ERBB4: variants seen among roughly 807,000 people sequenced by gnomAD.
ERBB4 encodes receptor tyrosine-protein kinase erbB-4.
Under a neutral mutation model 158.0 loss-of-function variants are expected in ERBB4, and 42 were observed. The observed-to-expected ratio is 0.27, with a 90% confidence interval of 0.21 to 0.34. The LOEUF (loss-of-function observed/expected upper bound fraction) is 0.34. ERBB4 is among the 10% of genes least tolerant of loss of function. The probability of loss-of-function intolerance (pLI) is 1.00; values close to 1 mark genes in which losing one functional copy is unlikely to be tolerated. For missense variants in ERBB4, 1,333 were observed against 1,624.1 expected, an observed-to-expected ratio of 0.82 and a Z score of 3.08; for synonymous variants, 583 against 558.7, an observed-to-expected ratio of 1.04 and a Z score of -0.61.
intron 2 of ERBB4, among the ~76,000 whole-genome samples, chr2:212,089,361 C>A (rs1416907416): frequency 6.6e-6 from 1 of 152,120 alleles, no homozygotes; most frequent in African/African-American, 2.4e-5. Flanking sequence ...TTCTTCCTGG[C>A]TGAATTGCAC....
chr2:211,730,885 T>A (rs1252576797), intron 5 of ERBB4, among the ~76,000 whole-genome samples: 1 of 151,948 alleles, frequency 6.6e-6, no homozygotes, highest in Non-Finnish European at 1.5e-5. Context: ...ATGGGAGAAA[T>A]GGGAGAAAAA....
At chr2:212,202,722 A>T (rs1284297247) in intron 1 of ERBB4, among the ~76,000 whole-genome samples, 1 of 152,192 alleles carries the variant, frequency 6.6e-6, no homozygotes, top group Non-Finnish European at 1.5e-5. Context: ...AAAAAGTCTC[A>T]CTTCACTAAT....
At chr2:211,704,852 A>G (rs1041538152) in intron 10 of ERBB4, among the ~76,000 whole-genome samples, 1 of 152,202 alleles carries the variant, frequency 6.6e-6, no homozygotes, top group African/African-American at 2.4e-5. Flanking sequence ...AAAGCTAAAA[A>G]GACACCATCT....
At chr2:212,301,925 C>G (rs1250807222) in intron 1 of ERBB4, among the ~76,000 whole-genome samples, 3 of 151,336 alleles carry the variant, frequency 2.0e-5, no homozygotes, top group African/African-American at 7.3e-5. Context: ...AAAAGACTTT[C>G]AAGAAATGCA....
chr2:212,423,356 G>A (rs2091840317), intron 1 of ERBB4, among the ~76,000 whole-genome samples: 1 of 152,136 alleles, frequency 6.6e-6, no homozygotes, highest in African/African-American at 2.4e-5. Context: ...GTGATTATCT[G>A]AATCACAGAA....
At chr2:211,698,854 T>C (rs910551989) in intron 12 of ERBB4, among the ~76,000 whole-genome samples, 2 of 152,206 alleles carry the variant, frequency 1.3e-5, no homozygotes, top group Non-Finnish European at 2.9e-5. Context: ...AACACTGTAA[T>C]TTGGTTACTA....
chr2:212,380,532 T>C (rs2090469587), intron 1 of ERBB4, among the ~76,000 whole-genome samples: 1 of 150,658 alleles, frequency 6.6e-6, no homozygotes, highest in African/African-American at 2.4e-5. Context: ...ACAACTGATG[T>C]ATTTGTTTAG....
intron 2 of ERBB4, among the ~76,000 whole-genome samples, chr2:211,989,500 T>C (rs1399118802): frequency 1.3e-5 from 2 of 151,900 alleles, no homozygotes; most frequent in African/African-American, 2.4e-5. Flanking sequence ...ATTTTATTCA[T>C]ATAATATTTC....
chr2:212,123,446 GT>G (rs2079821455), intron 2 of ERBB4, among the ~76,000 whole-genome samples: 1 of 152,074 alleles, frequency 6.6e-6, no homozygotes, highest in African/African-American at 2.4e-5. Context: ...AAAAAAGTAA[GT>G]TCTTTTAAGG....
intron 2 of ERBB4, among the ~76,000 whole-genome samples, chr2:212,011,378 A>G (rs900756011): frequency 9.2e-5 from 14 of 152,150 alleles, no homozygotes; most frequent in Non-Finnish European, 1.9e-4. Flanking sequence ...AGTATTGGAC[A>G]GTGCAGATAT....
At chr2:212,155,405 C>A (rs2081005797) in intron 1 of ERBB4, among the ~76,000 whole-genome samples, 2 of 151,984 alleles carry the variant, frequency 1.3e-5, no homozygotes, top group Admixed American at 6.6e-5. Flanking sequence ...ATATTCTAAG[C>A]TTTTATTTCT....
chr2:212,394,529 G>T (rs2090968765), intron 1 of ERBB4, among the ~76,000 whole-genome samples: 1 of 151,904 alleles, frequency 6.6e-6, no homozygotes, highest in Non-Finnish European at 1.5e-5. Context: ...TTTTTAAAAT[G>T]TGCATTTTAG....
chr2:211,685,944 T>A (rs1332566953), intron 12 of ERBB4, among the ~76,000 whole-genome samples: 1 of 152,188 alleles, frequency 6.6e-6, no homozygotes, highest in African/African-American at 2.4e-5. Flanking sequence ...TCAGATACAA[T>A]TAAACTTTGT....
chr2:212,201,187 A>G (rs1456343134), intron 1 of ERBB4, among the ~76,000 whole-genome samples: 3 of 152,080 alleles, frequency 2.0e-5, no homozygotes, highest in Non-Finnish European at 2.9e-5. Flanking sequence ...TAATTACCCT[A>G]TATTTGTTGA....
intron 27 of ERBB4, among the ~76,000 whole-genome samples, chr2:211,385,829 G>T (rs550969658): frequency 3.3e-5 from 5 of 152,236 alleles, no homozygotes; most frequent in African/African-American, 1.2e-4. Context: ...CCCCAGAAAA[G>T]ATTCTTCTTT....
intron 20 of ERBB4, among the ~76,000 whole-genome samples, chr2:211,468,326 T>C (rs1295927773): frequency 1.3e-5 from 2 of 152,088 alleles, no homozygotes; most frequent in Non-Finnish European, 2.9e-5. Context: ...GAATGTTGTG[T>C]TAAGAGAAGA....
In ERBB4 at chr2:211,957,387, A is replaced by G. The variant is rs144005868; in HGVS notation, c.235-9771T>C. 8.2e-3 allele frequency among the ~76,000 whole-genome samples: 1,255 copies of G among 152,236 alleles called. 17 individuals are homozygous for G. The highest frequency in any genetic ancestry group is 0.029 in the African/African-American group (1,205 of 41,562). On this transcript the variant is annotated intron_variant, in intron 2 of 27. Transcript: ENST00000342788. ...AGAGATCTCAGAAGAAACCAACGCT[A>G]CAGAGCCCTTGATCTCATACTTCCA...
intron 1 of ERBB4, among the ~76,000 whole-genome samples, chr2:212,335,943 TCA>T (rs1366166180): frequency 6.6e-5 from 10 of 152,130 alleles, no homozygotes; most frequent in East Asian, 3.9e-4. Flanking sequence ...TCAAGTCTAC[TCA>T]CAGTCTTTAT....
At chr2:212,508,264 C>T (rs10180614) in intron 1 of ERBB4, among the ~76,000 whole-genome samples, 24,550 of 152,038 alleles carry the variant, frequency 0.16, 2,113 homozygotes, top group African/African-American at 0.17. Context: ...TATTGTGATA[C>T]TCAGCTTATT....
Sources: gnomAD v4.1 joint callset for allele counts (sites outside exome capture counted in the v4.1 genomes callset) on GRCh38, gnomAD v4.1.1 for gene constraint, MANE v1.5 for transcripts, NCBI Gene and HGNC (gene_info 2026-07-23, HGNC 2026-07-21) for gene names.